B3GLCT: variants seen among roughly 807,000 people sequenced by gnomAD.
B3GLCT encodes beta 3-glucosyltransferase, also known as beta-1,3-glucosyltransferase.
Under a neutral mutation model 63.4 loss-of-function variants are expected in B3GLCT, and 65 were observed. The observed-to-expected ratio is 1.03, with a 90% CI of 0.84 to 1.26. The LOEUF (loss-of-function observed/expected upper bound fraction) is 1.26, where lower values mean the gene tolerates loss of function less well. Ranked by LOEUF, B3GLCT falls within the 50% of genes most tolerant of loss-of-function variation. B3GLCT has a pLI of 0.00. For synonymous variants in B3GLCT, 233 were observed against 219.2 expected (o/e 1.06, Z -0.55); for missense variants, 577 against 604.8 (o/e 0.95, Z 0.48).
chr13:31,210,392 T>G (rs1869195197), intron 1 of B3GLCT, among the ~76,000 whole-genome samples: 1 of 152,236 alleles, frequency 6.6e-6, no homozygotes, highest in Admixed American at 6.5e-5. Context: ...ATCTGGAAAT[T>G]AATATGAAGC....
chr13:31,278,318 A>G (rs1469922026), intron 10 of B3GLCT, among the ~76,000 whole-genome samples: 6 of 152,188 alleles, frequency 3.9e-5, no homozygotes, highest in Non-Finnish European at 7.4e-5. Context: ...TGAATAATCT[A>G]GTTTACTGCT....
At chr13:31,269,134 A>G in intron 7 of B3GLCT, 80 bp from the exon 8 acceptor site, 4 of 937,382 alleles carry the variant, frequency 4.3e-6, no homozygotes, top group Non-Finnish European at 5.2e-6. Context: ...GTTTTCAAAC[A>G]CTAGAAAGTC....
At position 31,329,945 on chromosome 13, in the gene B3GLCT, GT is replaced by G. The variant is rs371382521; in HGVS notation, c.*286del. ...GTATTCTCCAAGCTGTGATACAGCA[GT>G]TTTTTTTTATTGTCACAGGGAAATA... On this transcript the variant is annotated 3_prime_UTR_variant, in exon 15 of 15. Coordinates refer to ENST00000343307, the MANE Select transcript of B3GLCT (RefSeq NM_194318.4). 1,005 of 417,444 alleles carry G rather than the reference GT, an allele frequency of 2.4e-3. 8 individuals carry two copies. Among genetic ancestry groups the G allele is most frequent in the African/African-American group, 0.018 (875 of 49,504 alleles). 25.9% of individuals were successfully genotyped at this position (417,444 alleles called of 1,614,324 possible). A position where few individuals can be genotyped will look rare whatever the true frequency, so the allele number is the denominator to read the frequency against.
intron 2 of B3GLCT, among the ~76,000 whole-genome samples, chr13:31,219,735 G>A (rs1053392988): frequency 6.6e-6 from 1 of 152,162 alleles, no homozygotes; most frequent in African/African-American, 2.4e-5. Context: ...CTGTTTAAAC[G>A]TTTACCTGAT....
chr13:31,292,963 G>T (rs1276263526), intron 12 of B3GLCT, among the ~76,000 whole-genome samples: 10 of 151,970 alleles, frequency 6.6e-5, no homozygotes, highest in African/African-American at 2.2e-4. Flanking sequence ...TAAATTTCCC[G>T]CTAAACACTG....
chr13:31,318,178 A>G (rs141397986), intron 13 of B3GLCT, among the ~76,000 whole-genome samples: 1 of 152,326 alleles, frequency 6.6e-6, no homozygotes, highest in Admixed American at 6.5e-5. Context: ...GCCTAATCTC[A>G]TACGAAGAAA....
At chr13:31,259,755 G>A in intron 6 of B3GLCT, among the ~76,000 whole-genome samples, 1 of 151,634 alleles carries the variant, frequency 6.6e-6, no homozygotes, top group East Asian at 1.9e-4. Context: ...GAAAGGAGGG[G>A]CTCCCATGGA....
At chr13:31,263,080 A>C (rs993968565) in intron 7 of B3GLCT, among the ~76,000 whole-genome samples, 8 of 152,132 alleles carry the variant, frequency 5.3e-5, no homozygotes, top group African/African-American at 1.9e-4. Flanking sequence ...GCCCAGGTAG[A>C]GCTATATGGC....
chr13:31,271,750 T>C lies in B3GLCT; in HGVS notation c.660+2473T>C, dbSNP rs918974284. ...ATTGCTTCAATCCTTCATTTTACTT[T>C]TGTTTTGTCTGCTTATCATTTACTA... On this transcript the variant is annotated intron_variant, in intron 8 of 14. Coordinates refer to ENST00000343307, the MANE Select transcript of B3GLCT (RefSeq NM_194318.4). Among the ~76,000 whole-genome samples, 3 of 152,228 alleles carry C rather than the reference T, an allele frequency of 2.0e-5. No individual in the cohort carries two copies. The East Asian group carries it at 5.8e-4, about 29-fold the overall frequency.
intron 14 of B3GLCT, among the ~76,000 whole-genome samples, chr13:31,327,793 T>C (rs1268381266): frequency 6.6e-6 from 1 of 152,266 alleles, no homozygotes; most frequent in Non-Finnish European, 1.5e-5. Context: ...CTCACTGTTT[T>C]TTCCTTTTAA....
chr13:31,223,744 A>G (rs766581308), intron 3 of B3GLCT, among the ~76,000 whole-genome samples: 1 of 152,160 alleles, frequency 6.6e-6, no homozygotes, highest in Non-Finnish European at 1.5e-5. Flanking sequence ...GGTAGGAGGA[A>G]TGACCCAAGT....
chr13:31,281,637 C>T (rs1873074560), intron 10 of B3GLCT, among the ~76,000 whole-genome samples: 1 of 152,138 alleles, frequency 6.6e-6, no homozygotes, highest in African/African-American at 2.4e-5. Context: ...ACACCTCAGT[C>T]TTTAAAATGA....
intron 12 of B3GLCT, among the ~76,000 whole-genome samples, chr13:31,315,139 A>G (rs1874931649): frequency 1.3e-5 from 2 of 152,192 alleles, no homozygotes; most frequent in Non-Finnish European, 2.9e-5. Context: ...GGACTAATGC[A>G]TTACATTGGT....
chr13:31,224,918 T>C (rs1870016746), intron 3 of B3GLCT, among the ~76,000 whole-genome samples: 1 of 152,140 alleles, frequency 6.6e-6, no homozygotes, highest in Admixed American at 6.5e-5. Context: ...GCTTGGCCCA[T>C]GGTAGGTGCT....
chr13:31,240,995 G>A (rs1159512292), intron 4 of B3GLCT, among the ~76,000 whole-genome samples: 3 of 152,032 alleles, frequency 2.0e-5, no homozygotes, highest in Admixed American at 6.6e-5. Flanking sequence ...TATACAACTG[G>A]CATTCTTAGA....
At chr13:31,233,115 C>G (rs1049012359) in intron 4 of B3GLCT, among the ~76,000 whole-genome samples, 2 of 152,232 alleles carry the variant, frequency 1.3e-5, no homozygotes, top group East Asian at 1.9e-4. Context: ...TGAATTGACT[C>G]TAAGAAATTT....
rs1420002555 is a variant in B3GLCT at position 31,284,682 on chromosome 13, A to G, written c.885A>G (p.Ala295=). The change falls in exon 11 of 15, where the codon GCA becomes GCG. Residue 295 remains alanine (A), a synonymous_variant. Transcript: ENST00000343307. ...TTAAGCAGACTTGGGAGAGCCAGGC[A>G]AGTCTCATTGAATACTATAGTGACT... The part of the protein sequence containing the change: ...PIVKQTWESQ[A]SLIEYYSDYT... 2 of 1,611,440 alleles carry G rather than the reference A, an allele frequency of 1.2e-6. No homozygotes were observed. Among genetic ancestry groups the G allele is most frequent in the Admixed American group, 1.7e-5 (1 of 59,956 alleles).
In B3GLCT at chr13:31,225,945, T is replaced by G. The variant is rs535710283; in HGVS notation, c.160+2954T>G. ...AACGGATCTGCCTCCGTTTCTAACT[T>G]TATCACCTACTGTACCCCGCCGTGC... On this transcript the variant is annotated intron_variant, in intron 3 of 14. Transcript: ENST00000343307. 4.1e-4 allele frequency among the ~76,000 whole-genome samples: 63 copies of G among 152,264 alleles called. 1 individual carries two copies. The South Asian group carries it at 0.013, about 31-fold the overall frequency.
At chr13:31,210,056 C>T (rs533868189) in intron 1 of B3GLCT, among the ~76,000 whole-genome samples, 22 of 152,140 alleles carry the variant, frequency 1.4e-4, no homozygotes, top group Non-Finnish European at 2.5e-4. Flanking sequence ...TCTTGCACTC[C>T]GGGGCTTAGG....
Sources: gnomAD v4.1 joint callset for allele counts (sites outside exome capture counted in the v4.1 genomes callset) on GRCh38, gnomAD v4.1.1 for gene constraint, MANE v1.5 for transcripts, NCBI Gene and HGNC (gene_info 2026-07-23, HGNC 2026-07-21) for gene names.